Variants in SLC11A2 observed in about 807,000 individuals in gnomAD.
SLC11A2 encodes solute carrier family 11 member 2.
A neutral mutation model predicts 68.0 loss-of-function variants in SLC11A2; 38 were observed. The observed-to-expected ratio is 0.56, with a 90% CI of 0.43 to 0.73. SLC11A2 has a LOEUF of 0.73. Ranked by LOEUF, SLC11A2 falls within the 30% of genes least tolerant of loss-of-function variation. SLC11A2 has a pLI of 0.00. For missense variants in SLC11A2, 517 were observed against 690.5 expected, an observed-to-expected ratio of 0.75 and a Z score of 2.82; for synonymous variants, 242 against 250.6, an observed-to-expected ratio of 0.97 and a Z score of 0.32.
the SLC11A2 span, among the ~76,000 whole-genome samples, chr12:50,963,792 A>G: frequency 6.6e-6 from 1 of 152,220 alleles, no homozygotes; most frequent in Non-Finnish European, 1.5e-5. Flanking sequence ...CCCTGGTAAT[A>G]AAAGGAAAGG....
At position 51,004,580 on chromosome 12, in the gene SLC11A2, C is replaced by T. The variant is rs117942230; in HGVS notation, c.429+208G>A. 2.6e-3 allele frequency among the ~76,000 whole-genome samples: 402 copies of T among 152,180 alleles called. 1 individual carries two copies. The highest frequency in any genetic ancestry group is 4.6e-3 in the Non-Finnish European group (315 of 68,018). On this transcript the variant is annotated intron_variant, in intron 5 of 15. Transcript: ENST00000262052. ...TTCTAAGAAAACCTTCTAGGAAATG[C>T]GAGTCTCAAGTTAGATTTTGAAAGA...
chr12:50,988,517 C>G, intron 15 of SLC11A2, 82 bp from the exon 16 acceptor site: 1 of 1,592,926 alleles, frequency 6.3e-7, no homozygotes, highest in Non-Finnish European at 8.5e-7. Flanking sequence ...AAATGCAAAC[C>G]TGCTCCCTTC....
upstream of SLC11A2, chr12:51,026,559 C>A (rs1021650154): frequency 8.9e-6 from 3 of 335,370 alleles, no homozygotes; most frequent in Non-Finnish European, 1.1e-5. Flanking sequence ...CCTGGGGCAC[C>A]CGGCGGGAGC....
At chr12:51,014,906 A>G (rs557651022) in intron 1 of SLC11A2, among the ~76,000 whole-genome samples, 1 of 152,144 alleles carries the variant, frequency 6.6e-6, no homozygotes, top group East Asian at 1.9e-4. Context: ...CACGCCTGTA[A>G]TCTCATCACT....
At chr12:50,968,235 T>C in the SLC11A2 span, among the ~76,000 whole-genome samples, 1 of 152,180 alleles carries the variant, frequency 6.6e-6, no homozygotes, top group Non-Finnish European at 1.5e-5. Context: ...TTTCTAATAC[T>C]GGGGACTGAA....
At chr12:51,008,259 T>TAGATAGAC (rs1942913247) in intron 3 of SLC11A2, 1 of 148,204 alleles carries the variant, frequency 6.7e-6, no homozygotes, top group African/African-American at 6.3e-5. Context: ...GATAGATAGA[T>TAGATAGAC]AGACGGACAG....
At chr12:50,959,435 G>A in the SLC11A2 span, among the ~76,000 whole-genome samples, 13 of 152,044 alleles carry the variant, frequency 8.6e-5, 1 homozygote, top group Admixed American at 8.5e-4. Flanking sequence ...TCCTCTTATA[G>A]ATGTTATAAA....
the SLC11A2 span, among the ~76,000 whole-genome samples, chr12:50,956,311 G>C: frequency 6.6e-6 from 1 of 152,166 alleles, no homozygotes; most frequent in Non-Finnish European, 1.5e-5. Context: ...AGAATCACTT[G>C]AACTCAGGAA....
chr12:51,010,173 A>G (rs934384430), intron 2 of SLC11A2, among the ~76,000 whole-genome samples: 3 of 149,512 alleles, frequency 2.0e-5, no homozygotes, highest in Admixed American at 1.4e-4. Flanking sequence ...GGGCAACTAG[A>G]GCAAAACTCC....
At chr12:50,974,839 C>T (rs1355679690), downstream of SLC11A2, among the ~76,000 whole-genome samples, 2 of 152,116 alleles carry the variant, frequency 1.3e-5, no homozygotes, top group South Asian at 2.1e-4. Context: ...GGGTTGCAAT[C>T]CTAGTCTCTG....
intron 2 of SLC11A2, among the ~76,000 whole-genome samples, chr12:51,010,120 G>A (rs440595): frequency 0.74 from 112,145 of 151,264 alleles, 41,883 homozygotes; most frequent in East Asian, 0.87. Context: ...GGAGGCGGAG[G>A]TTGCAGTGAG....
At chr12:50,954,044 T>A in the SLC11A2 span, 2 of 1,613,502 alleles carry the variant, frequency 1.2e-6, no homozygotes, top group Non-Finnish European at 1.7e-6. Context: ...TGAAGGCCAA[T>A]TATCCCGACT....
downstream of SLC11A2, among the ~76,000 whole-genome samples, chr12:50,978,071 G>A (rs10082938): frequency 3.7e-3 from 557 of 152,314 alleles, 6 homozygotes; most frequent in African/African-American, 0.013. Context: ...AACCATTGTG[G>A]AAGACAGTGT....
intron 1 of SLC11A2, among the ~76,000 whole-genome samples, chr12:51,015,495 T>C (rs1943578034): frequency 7.1e-6 from 1 of 140,288 alleles, no homozygotes; most frequent in Non-Finnish European, 1.6e-5. Context: ...AATAATTAAA[T>C]AGTTAAAAAA....
At chr12:51,004,697 G>T in intron 5 of SLC11A2, 91 bp downstream of exon 5, 1 of 1,453,024 alleles carries the variant, frequency 6.9e-7, no homozygotes, top group Non-Finnish European at 9.6e-7. Context: ...GTCCTTGACT[G>T]TCTCACTATA....
chr12:50,984,044 G>T (rs562495000), downstream of SLC11A2, among the ~76,000 whole-genome samples: 83 of 151,800 alleles, frequency 5.5e-4, no homozygotes, highest in African/African-American at 1.9e-3. Context: ...CAGGAGAATT[G>T]CTTGAACCTG....
the SLC11A2 span, among the ~76,000 whole-genome samples, chr12:50,962,582 A>G: frequency 3.9e-5 from 6 of 151,980 alleles, no homozygotes; most frequent in African/African-American, 1.5e-4. Context: ...CTGTAGTCAC[A>G]GCTACTTGGG....
the SLC11A2 span, among the ~76,000 whole-genome samples, chr12:50,970,791 A>C: frequency 6.6e-6 from 1 of 152,222 alleles, no homozygotes; most frequent in Admixed American, 6.5e-5. Context: ...TCTGCCACTA[A>C]TCTGTCAAAC....
the SLC11A2 span, among the ~76,000 whole-genome samples, chr12:50,957,477 G>A: frequency 6.6e-6 from 1 of 151,706 alleles, no homozygotes; most frequent in South Asian, 2.1e-4. Flanking sequence ...GGGATTACAG[G>A]AATGAGCCAC....
Sources: gnomAD v4.1 joint callset for allele counts (sites outside exome capture counted in the v4.1 genomes callset) on GRCh38, gnomAD v4.1.1 for gene constraint, MANE v1.5 for transcripts, NCBI Gene and HGNC (gene_info 2026-07-23, HGNC 2026-07-21) for gene names.